The following GALNT13 variants were observed in gnomAD, a reference collection of about 807,000 sequenced individuals.
GALNT13 encodes the protein polypeptide N-acetylgalactosaminyltransferase 13, also known as UDP-GalNAc:polypeptide N-acetylgalactosaminyltransferase 13.
GALNT13 carries 28 observed loss-of-function variants against 64.2 expected under a neutral mutation model. The observed-to-expected ratio is 0.44, with a 90% CI of 0.32 to 0.60. The LOEUF (loss-of-function observed/expected upper bound fraction) is 0.60, where lower values mean the gene tolerates loss of function less well. GALNT13 is among the 20% of genes least tolerant of loss of function. GALNT13 has a pLI of 0.05. For synonymous variants in GALNT13, 214 were observed against 224.6 expected, an observed-to-expected ratio of 0.95 and a Z score of 0.42; for missense variants, 577 against 669.8, an observed-to-expected ratio of 0.86 and a Z score of 1.53.
chr2:153,218,189 C>T, the GALNT13 span, among the ~76,000 whole-genome samples: 1 of 152,158 alleles, frequency 6.6e-6, no homozygotes, highest in Admixed American at 6.5e-5. Flanking sequence ...GCTGTCTTGT[C>T]TCTCTTCTAT....
At chr2:153,848,444 G>C in the GALNT13 span, among the ~76,000 whole-genome samples, 1 of 152,066 alleles carries the variant, frequency 6.6e-6, no homozygotes, top group Non-Finnish European at 1.5e-5. Flanking sequence ...AAAAATAACA[G>C]TAAATTAAAT....
the GALNT13 span, among the ~76,000 whole-genome samples, chr2:153,734,136 C>T: frequency 6.6e-6 from 1 of 152,152 alleles, no homozygotes; most frequent in South Asian, 2.1e-4. Flanking sequence ...TTTCTGGCTT[C>T]TGGTGGCCCC....
chr2:154,334,609 A>C (rs938275196), intron 9 of GALNT13, among the ~76,000 whole-genome samples: 1 of 111,014 alleles, frequency 9.0e-6, no homozygotes, highest in African/African-American at 3.5e-5. Flanking sequence ...ACTTGCCATC[A>C]TTCTTCTCAG....
At chr2:153,590,982 G>T in the GALNT13 span, among the ~76,000 whole-genome samples, 1 of 151,906 alleles carries the variant, frequency 6.6e-6, no homozygotes, top group Non-Finnish European at 1.5e-5. Context: ...ATCAGGTAAG[G>T]AAAAGAAAAA....
chr2:153,120,134 A>C, the GALNT13 span, among the ~76,000 whole-genome samples: 6 of 152,208 alleles, frequency 3.9e-5, no homozygotes, highest in African/African-American at 1.4e-4. Flanking sequence ...TACTTTTTAT[A>C]GTCATTGATT....
chr2:153,167,779 A>G, the GALNT13 span, among the ~76,000 whole-genome samples: 1 of 152,182 alleles, frequency 6.6e-6, no homozygotes, highest in African/African-American at 2.4e-5. Context: ...GGCTGCTTCT[A>G]TGGGCTAATT....
chr2:153,927,665 T>C (rs995609413), intron 2 of GALNT13, among the ~76,000 whole-genome samples: 2 of 152,000 alleles, frequency 1.3e-5, no homozygotes, highest in African/African-American at 2.4e-5. Context: ...GTATTCAATA[T>C]TTGGAATATT....
the GALNT13 span, among the ~76,000 whole-genome samples, chr2:153,518,792 C>G: frequency 4.9e-4 from 74 of 152,226 alleles, no homozygotes; most frequent in African/African-American, 1.8e-3. Flanking sequence ...ATTAACTTCT[C>G]TGAGCCTTTT....
chr2:153,290,770 T>G, the GALNT13 span, among the ~76,000 whole-genome samples: 1 of 152,194 alleles, frequency 6.6e-6, no homozygotes. Context: ...GTTTTGATAA[T>G]TTCTTTAGTA....
the GALNT13 span, among the ~76,000 whole-genome samples, chr2:153,615,150 C>G: frequency 2.6e-5 from 4 of 152,036 alleles, no homozygotes; most frequent in Admixed American, 2.6e-4. Flanking sequence ...CTGTGCTTGT[C>G]TTATTTGACT....
At chr2:153,969,420 T>C (rs976961967) in intron 3 of GALNT13, among the ~76,000 whole-genome samples, 38 of 152,194 alleles carry the variant, frequency 2.5e-4, no homozygotes, top group East Asian at 3.9e-4. Context: ...CAATAACACA[T>C]GATCTCTATT....
the GALNT13 span, among the ~76,000 whole-genome samples, chr2:153,601,477 T>C: frequency 6.6e-6 from 1 of 151,732 alleles, no homozygotes; most frequent in Non-Finnish European, 1.5e-5. Flanking sequence ...ACAAAGAATG[T>C]CATTTTTCCC....
the GALNT13 span, among the ~76,000 whole-genome samples, chr2:153,374,860 C>T: frequency 6.6e-6 from 1 of 152,160 alleles, no homozygotes; most frequent in Non-Finnish European, 1.5e-5. Context: ...TCCCTCACCT[C>T]TTCAGCATTA....
At chr2:153,373,518 G>T in the GALNT13 span, among the ~76,000 whole-genome samples, 2 of 152,148 alleles carry the variant, frequency 1.3e-5, no homozygotes, top group East Asian at 1.9e-4. Context: ...TTTGATTGAG[G>T]TTGTATTGAA....
At chr2:153,639,692 G>A in the GALNT13 span, among the ~76,000 whole-genome samples, 4 of 152,236 alleles carry the variant, frequency 2.6e-5, no homozygotes, top group African/African-American at 4.8e-5. Flanking sequence ...GAATGCAAGT[G>A]TAAACATTCT....
intron 3 of GALNT13, among the ~76,000 whole-genome samples, chr2:154,023,176 G>T (rs1176858018): frequency 6.6e-6 from 1 of 152,140 alleles, no homozygotes; most frequent in Admixed American, 6.5e-5. Context: ...CTGTTGATTT[G>T]GGGTGGAGAG....
chr2:154,356,709 C>A (rs1436314441), intron 9 of GALNT13, among the ~76,000 whole-genome samples: 1 of 151,934 alleles, frequency 6.6e-6, no homozygotes, highest in Non-Finnish European at 1.5e-5. Flanking sequence ...ATTACCTTTG[C>A]CATATTCTAA....
At chr2:153,194,016 A>G in the GALNT13 span, among the ~76,000 whole-genome samples, 1 of 152,206 alleles carries the variant, frequency 6.6e-6, no homozygotes. Context: ...CTTTTGTTAT[A>G]GAATTCCCTC....
the GALNT13 span, among the ~76,000 whole-genome samples, chr2:153,345,665 T>TTCTTTCTG: frequency 2.1e-5 from 3 of 143,016 alleles, no homozygotes; most frequent in South Asian, 6.9e-4. Context: ...CTTTCTTTCT[T>TTCTTTCTG]TCTTTCTTTC....
Sources: allele counts gnomAD v4.1 joint callset (sites outside exome capture counted in the v4.1 genomes callset), GRCh38; gene constraint gnomAD v4.1.1; transcripts MANE v1.5; gene names NCBI Gene and HGNC (gene_info 2026-07-23, HGNC 2026-07-21).